MFHAS1: variants seen among roughly 807,000 people sequenced by gnomAD.
MFHAS1 encodes multifunctional ROCO family signaling regulator 1, also known as malignant fibrous histiocytoma-amplified sequence 1.
In MFHAS1, 50 loss-of-function variants were observed where a neutral mutation model predicts 70.4. That is an observed-to-expected ratio of 0.71 (90% CI 0.57 to 0.90). MFHAS1 has a LOEUF of 0.90. MFHAS1 is among the 40% of genes least tolerant of loss of function. The pLI is 0.00. For synonymous variants in MFHAS1, 952 were observed against 620.0 expected, an observed-to-expected ratio of 1.54 and a Z score of -7.96; for missense variants, 1,795 against 1,347.6, an observed-to-expected ratio of 1.33 and a Z score of -5.20.
At chr8:8,792,624 AC>A (rs1170567263) in intron 2 of MFHAS1, among the ~76,000 whole-genome samples, 9 of 152,172 alleles carry the variant, frequency 5.9e-5, no homozygotes, top group African/African-American at 1.9e-4. Context: ...AACCAAAAAA[AC>A]AAACCAAAAA....
intron 1 of MFHAS1, among the ~76,000 whole-genome samples, chr8:8,799,898 G>A (rs910468119): frequency 2.0e-5 from 3 of 152,174 alleles, no homozygotes; most frequent in African/African-American, 4.8e-5. Context: ...GGCCCTAGAT[G>A]GGTTTATCCT....
At chr8:8,868,089 C>G (rs1808930855) in intron 1 of MFHAS1, among the ~76,000 whole-genome samples, 1 of 152,052 alleles carries the variant, frequency 6.6e-6, no homozygotes, top group Non-Finnish European at 1.5e-5. Flanking sequence ...GTATAGCGCA[C>G]AAACCTGATC....
Position 8,892,949 on chromosome 8 carries a change from G to C in MFHAS1, c.110C>G (p.Ala37Gly). 1.3e-6 allele frequency: 2 copies of C among 1,545,658 alleles called. No individual in the cohort carries two copies. Among genetic ancestry groups the C allele is most frequent in the Non-Finnish European group, 1.7e-6 (2 of 1,148,340 alleles). ...GGCCCCGGCCCCGGGGCAGGCCCCG[G>C]CGGCGGTAAGCGTGAGCTGGCGCAG... ...SNLRQLTLTAAGACPGAGADA... is the reference protein window; with the variant it reads ...SNLRQLTLTAGGACPGAGADA... Residue 37 changes from alanine to glycine, a missense_variant, in exon 1 of 3, where the codon GCC becomes GGC. By Grantham distance (60) the Ala-to-Gly change is moderately conservative. Transcript: ENST00000276282. The surrounding 1 kb of genome is among the most constrained non-coding windows in gnomAD (Gnocchi z 4.7).
chr8:8,877,773 G>T (rs575366555), intron 1 of MFHAS1, among the ~76,000 whole-genome samples: 1 of 152,316 alleles, frequency 6.6e-6, no homozygotes, highest in African/African-American at 2.4e-5. Flanking sequence ...CCAGCCCAAT[G>T]ACAAAGGGAC....
At chr8:8,842,550 A>G (rs1309356903) in intron 1 of MFHAS1, among the ~76,000 whole-genome samples, 1 of 152,166 alleles carries the variant, frequency 6.6e-6, no homozygotes, top group Non-Finnish European at 1.5e-5. Context: ...CATCAAAGTG[A>G]CACAGGACGC....
chr8:8,795,469 T>C (rs2117254204), intron 2 of MFHAS1, among the ~76,000 whole-genome samples: 1 of 152,354 alleles, frequency 6.6e-6, no homozygotes, highest in East Asian at 1.9e-4. Flanking sequence ...ATTCACAATG[T>C]CTTAGGGTCA....
At chr8:8,887,389 G>T (rs1015477158) in intron 1 of MFHAS1, among the ~76,000 whole-genome samples, 1 of 151,792 alleles carries the variant, frequency 6.6e-6, no homozygotes, top group Non-Finnish European at 1.5e-5. Flanking sequence ...ATACAGAAGA[G>T]GAAAATGTTT....
At chr8:8,867,860 A>G (rs958958029) in intron 1 of MFHAS1, among the ~76,000 whole-genome samples, 4 of 152,024 alleles carry the variant, frequency 2.6e-5, no homozygotes, top group Non-Finnish European at 4.4e-5. Flanking sequence ...CCTGGCCATA[A>G]ATTGCTATAC....
rs745735831 is a variant in MFHAS1, at chr8:8,890,755, C to G, written c.2304G>C (p.Pro768=). ...GGCTGGGGGTGGACCGCGCCATGGGCGGGGAGCTTTCCCCCTCCGCCTTGC... is the reference window on the plus strand; with the variant it reads ...GGCTGGGGGTGGACCGCGCCATGGGGGGGGAGCTTTCCCCCTCCGCCTTGC... The part of the protein sequence containing the change: ...GEGKAEGESS[P]PMARSTPSQE... The change falls in exon 1 of 3, where the codon CCG becomes CCC. Residue 768 remains proline, a synonymous_variant. Transcript: ENST00000276282. The G allele has an allele frequency of 4.3e-6, 7 of 1,613,706 alleles. No individual in the cohort carries two copies. In the South Asian group the frequency reaches 7.7e-5, roughly 18 times the overall value.
At chr8:8,828,759 T>A (rs1247345817) in intron 1 of MFHAS1, among the ~76,000 whole-genome samples, 2 of 152,164 alleles carry the variant, frequency 1.3e-5, no homozygotes, top group Non-Finnish European at 1.5e-5. Context: ...ACGGCGTGCA[T>A]AGCCTGGAAA....
chr8:8,883,585 GTAATCCC>G (rs1809614891), intron 1 of MFHAS1, among the ~76,000 whole-genome samples: 1 of 151,584 alleles, frequency 6.6e-6, no homozygotes, highest in Non-Finnish European at 1.5e-5. Flanking sequence ...GTGCATGCCT[GTAATCCC>G]AGCTACTCGG....
intron 1 of MFHAS1, among the ~76,000 whole-genome samples, chr8:8,871,843 T>C (rs1809087042): frequency 6.6e-6 from 1 of 152,212 alleles, no homozygotes; most frequent in Non-Finnish European, 1.5e-5. Flanking sequence ...TGATAAAAGA[T>C]GCAAGGCCTC....
At chr8:8,803,237 G>A (rs1037410539) in intron 1 of MFHAS1, among the ~76,000 whole-genome samples, 2 of 152,156 alleles carry the variant, frequency 1.3e-5, no homozygotes, top group South Asian at 2.1e-4. Context: ...TGGGCTGGAC[G>A]TGGTGGCTCA....
At chr8:8,821,251 G>C (rs1176354213) in intron 1 of MFHAS1, among the ~76,000 whole-genome samples, 1 of 152,200 alleles carries the variant, frequency 6.6e-6, no homozygotes, top group Non-Finnish European at 1.5e-5. Flanking sequence ...TGCCTCTAAG[G>C]CCCCTGTGGC....
At chr8:8,851,610 C>A (rs1366689314) in intron 1 of MFHAS1, among the ~76,000 whole-genome samples, 1 of 152,216 alleles carries the variant, frequency 6.6e-6, no homozygotes, top group African/African-American at 2.4e-5. Flanking sequence ...AGAAAGTTTA[C>A]AGTTCTTATC....
chr8:8,801,290 A>G (rs1236774307), intron 1 of MFHAS1, among the ~76,000 whole-genome samples: 3 of 152,176 alleles, frequency 2.0e-5, no homozygotes, highest in Non-Finnish European at 4.4e-5. Flanking sequence ...TGTACCCCAG[A>G]CTGTCCACGT....
At position 8,884,961 on chromosome 8, in the gene MFHAS1, C is replaced by CA. The variant is rs869026415; in HGVS notation, c.2998+5099dup. Among the ~76,000 whole-genome samples, 103 of 150,782 alleles carry CA rather than the reference C, an allele frequency of 6.8e-4. 1 individual carries two copies. The highest frequency in any genetic ancestry group is 2.1e-3 in the African/African-American group (86 of 41,110). On this transcript the variant is annotated intron_variant, in intron 1 of 2. Transcript: ENST00000276282. ...GAGTGAGACCCTGCCCCCACCCCCC[C>CA]AAAAAAAAAGTTATTTCTCACAAAA... is the stretch of plus-strand genomic sequence containing the variant.
At chr8:8,888,267 G>C (rs942506241) in intron 1 of MFHAS1, among the ~76,000 whole-genome samples, 4 of 152,190 alleles carry the variant, frequency 2.6e-5, no homozygotes, top group Admixed American at 2.6e-4. Context: ...GCAACGGAAA[G>C]ATGTCACCTT....
At chr8:8,826,594 G>A (rs138236615) in intron 1 of MFHAS1, among the ~76,000 whole-genome samples, 3,760 of 152,182 alleles carry the variant, frequency 0.025, 141 homozygotes, top group African/African-American at 0.086. Context: ...TTAGCCGAGC[G>A]TGGTGGCGGG....
Sources: allele counts gnomAD v4.1 joint callset (sites outside exome capture counted in the v4.1 genomes callset), GRCh38; gene constraint gnomAD v4.1.1; non-coding constraint Gnocchi (gnomAD v3.1); transcripts MANE v1.5; gene names NCBI Gene and HGNC (gene_info 2026-07-23, HGNC 2026-07-21).